Variants in PICALM observed in about 807,000 individuals in gnomAD.
PICALM encodes phosphatidylinositol-binding clathrin assembly protein.
Under a neutral mutation model 80.5 loss-of-function variants are expected in PICALM, and 40 were observed. The observed-to-expected ratio is 0.50, with a 90% CI of 0.39 to 0.65. The LOEUF is 0.65. Among genes scored for constraint, PICALM ranks in the 30% least tolerant of loss-of-function variants. The pLI is 0.00. For missense variants in PICALM, 676 were observed against 778.9 expected, an observed-to-expected ratio of 0.87 and a Z score of 1.57; for synonymous variants, 288 against 260.3, an observed-to-expected ratio of 1.11 and a Z score of -1.02.
chr11:85,990,008 C>CAAAAAAAAAA (rs5793177), intron 13 of PICALM, among the ~76,000 whole-genome samples: 4 of 89,320 alleles, frequency 4.5e-5, no homozygotes, highest in African/African-American at 9.2e-5. Flanking sequence ...AACCAAACAC[C>CAAAAAAAAAA]AAAAAAAAAA....
At chr11:85,985,124 T>A (rs1170536369) in intron 13 of PICALM, among the ~76,000 whole-genome samples, 6 of 152,266 alleles carry the variant, frequency 3.9e-5, no homozygotes, top group African/African-American at 1.2e-4. Flanking sequence ...ACTTTTGGTG[T>A]CCTAAATTTA....
chr11:86,033,116 A>C (rs976148141), intron 1 of PICALM, among the ~76,000 whole-genome samples: 1 of 152,196 alleles, frequency 6.6e-6, no homozygotes, highest in African/African-American at 2.4e-5. Context: ...GAGAGTAAAA[A>C]ATGGAATTTA....
intron 1 of PICALM, among the ~76,000 whole-genome samples, chr11:86,054,314 T>C (rs2137438343): frequency 6.6e-6 from 1 of 152,300 alleles, no homozygotes; most frequent in South Asian, 2.1e-4. Context: ...ACATTGCTAG[T>C]TTCACAGCAC....
chr11:85,973,492 ACT>A (rs777897554), intron 19 of PICALM, among the ~76,000 whole-genome samples: 5 of 152,132 alleles, frequency 3.3e-5, no homozygotes, highest in Admixed American at 6.5e-5. Context: ...ATTACAGTAC[ACT>A]GTTACTGTTC....
chr11:86,068,789 C>T lies in PICALM; in HGVS notation c.-9G>A, dbSNP rs750617382. The T allele has an allele frequency of 2.9e-5, 47 of 1,600,820 alleles. No homozygotes were observed. The highest frequency in any genetic ancestry group is 1.7e-4 in the Middle Eastern group (1 of 6,056). ...AGGCTCTGGCCGGACATCTCTGCAG[C>T]TCCTCCACCACCCCACCCGCTCAGC... On this transcript the variant is annotated 5_prime_UTR_variant, in exon 1 of 20. Transcript: ENST00000393346.
chr11:86,038,618 T>C (rs2095886326), intron 1 of PICALM, among the ~76,000 whole-genome samples: 1 of 151,526 alleles, frequency 6.6e-6, no homozygotes, highest in Non-Finnish European at 1.5e-5. Flanking sequence ...CCATCTCTAC[T>C]AAAAATACAA....
intron 1 of PICALM, among the ~76,000 whole-genome samples, chr11:86,043,943 A>G (rs901468797): frequency 2.6e-5 from 4 of 152,212 alleles, no homozygotes; most frequent in African/African-American, 7.2e-5. Flanking sequence ...CATGTCCCCA[A>G]TGCACACAGA....
intron 11 of PICALM, 34 bp from the exon 12 acceptor site, chr11:85,996,963 C>A (rs755360688): frequency 1.2e-5 from 17 of 1,453,332 alleles, no homozygotes; most frequent in Non-Finnish European, 1.5e-5. Flanking sequence ...GTTTTATTTA[C>A]CAGAAAAACT....
chr11:86,003,606 TCTTA>T (rs1186846525), intron 8 of PICALM, 155 bp from the exon 9 acceptor site: 4 of 415,242 alleles, frequency 9.6e-6, no homozygotes, highest in Non-Finnish European at 1.7e-5. Context: ...AGAATGACAA[TCTTA>T]CTTTTGTTAT....
At chr11:86,061,363 A>C (rs1449603869) in intron 1 of PICALM, among the ~76,000 whole-genome samples, 7 of 150,812 alleles carry the variant, frequency 4.6e-5, no homozygotes, top group East Asian at 1.9e-4. Flanking sequence ...AAAGAAAAGA[A>C]AAGACACATT....
In PICALM at chr11:85,964,062, A is replaced by C. The variant is rs1392027812; in HGVS notation, c.1945-5002T>G. On this transcript the variant is annotated intron_variant, in intron 19 of 19. Coordinates refer to ENST00000393346, the MANE Select transcript of PICALM (RefSeq NM_007166.4). Reference sequence around the variant, plus strand: ...TCTATTGATAGACTATCATAAAATAAAAATGGTTACTCCTTCATTATACTC... The same window carrying C: ...TCTATTGATAGACTATCATAAAATACAAATGGTTACTCCTTCATTATACTC... Among the ~76,000 whole-genome samples, 3 of 152,034 alleles carry C rather than the reference A, an allele frequency of 2.0e-5. No homozygotes were observed. The East Asian group carries it at 5.8e-4, about 29-fold the overall frequency.
chr11:86,050,216 A>AAAAAAAC (rs1555142533), intron 1 of PICALM, among the ~76,000 whole-genome samples: 6 of 151,324 alleles, frequency 4.0e-5, no homozygotes, highest in African/African-American at 1.2e-4. Context: ...AAAAAAAAAA[A>AAAAAAAC]AAAAAAAAAC....
intron 11 of PICALM, among the ~76,000 whole-genome samples, chr11:85,997,531 C>T (rs981246263): frequency 3.3e-5 from 5 of 152,014 alleles, no homozygotes; most frequent in Non-Finnish European, 4.4e-5. Flanking sequence ...AGTGCAGCGG[C>T]GTGATCTTGG....
intron 2 of PICALM, among the ~76,000 whole-genome samples, chr11:86,028,342 G>A (rs1442291566): frequency 6.6e-6 from 1 of 152,000 alleles, no homozygotes; most frequent in African/African-American, 2.4e-5. Flanking sequence ...TGGGTGATTA[G>A]GTACATAAGC....
chr11:85,990,998 T>A (rs2094754877), intron 12 of PICALM, among the ~76,000 whole-genome samples: 1 of 152,196 alleles, frequency 6.6e-6, no homozygotes, highest in Non-Finnish European at 1.5e-5. Flanking sequence ...CACCTTTGAA[T>A]GTCTATCTAA....
At chr11:85,993,058 T>C (rs2094840547) in intron 12 of PICALM, among the ~76,000 whole-genome samples, 1 of 152,084 alleles carries the variant, frequency 6.6e-6, no homozygotes, top group Admixed American at 6.5e-5. Flanking sequence ...AGTTAACCTA[T>C]TAAACTGGCA....
intron 1 of PICALM, among the ~76,000 whole-genome samples, chr11:86,050,204 C>CAAAAAAAAA (rs766728047): frequency 6.1e-5 from 5 of 81,798 alleles, no homozygotes; most frequent in Admixed American, 1.4e-4. Flanking sequence ...GACTCTGTCT[C>CAAAAAAAAA]AAAAAAAAAA....
At chr11:85,963,920 C>CTTTTTT (rs10686143) in intron 19 of PICALM, among the ~76,000 whole-genome samples, 3,346 of 72,486 alleles carry the variant, frequency 0.046, 188 homozygotes, top group African/African-American at 0.078. Flanking sequence ...CCACACCTGG[C>CTTTTTT]TTTTTTTTTT....
At chr11:86,049,935 C>G (rs867369554) in intron 1 of PICALM, among the ~76,000 whole-genome samples, 1 of 151,800 alleles carries the variant, frequency 6.6e-6, no homozygotes, top group Admixed American at 6.6e-5. Context: ...TGAGGTGGCT[C>G]ACGCCTGTGA....
Sources: allele counts gnomAD v4.1 joint callset (sites outside exome capture counted in the v4.1 genomes callset), GRCh38; gene constraint gnomAD v4.1.1; transcripts MANE v1.5; gene names NCBI Gene and HGNC (gene_info 2026-07-23, HGNC 2026-07-21).